The following CTNNA3 variants were observed in gnomAD, a reference collection of about 807,000 sequenced individuals.
The protein encoded by CTNNA3 is catenin alpha 3.
In CTNNA3, 76 loss-of-function variants were observed where a neutral mutation model predicts 95.7. That is an observed-to-expected ratio of 0.79 (90% CI 0.66 to 0.96). The LOEUF (loss-of-function observed/expected upper bound fraction) is 0.96, where lower values mean the gene tolerates loss of function less well. CTNNA3 is among the 40% of genes least tolerant of loss of function. The pLI is 0.00. For missense variants in CTNNA3, 1,191 were observed against 1,089.8 expected (o/e 1.09, Z -1.31); for synonymous variants, 431 against 374.4 (o/e 1.15, Z -1.74).
At chr10:66,387,657 G>A (rs899297303) in intron 11 of CTNNA3, among the ~76,000 whole-genome samples, 3 of 152,104 alleles carry the variant, frequency 2.0e-5, no homozygotes, top group Non-Finnish European at 4.4e-5. Context: ...TATGTTTATT[G>A]CTGCACTATT....
intron 10 of CTNNA3, among the ~76,000 whole-genome samples, chr10:66,552,552 T>C (rs1483048713): frequency 6.6e-6 from 1 of 152,192 alleles, no homozygotes; most frequent in Non-Finnish European, 1.5e-5. Flanking sequence ...TATTCAGTTC[T>C]GATCCATGAG....
At chr10:67,091,933 G>A (rs146629886) in intron 7 of CTNNA3, among the ~76,000 whole-genome samples, 1,716 of 152,094 alleles carry the variant, frequency 0.011, 20 homozygotes, top group African/African-American at 0.037. Context: ...TCATTAACTA[G>A]AAGAAGACTG....
intron 5 of CTNNA3, among the ~76,000 whole-genome samples, chr10:67,242,649 T>C (rs1007964600): frequency 6.6e-6 from 1 of 152,348 alleles, no homozygotes; most frequent in Non-Finnish European, 1.5e-5. Context: ...GCCTTATTAA[T>C]TCAGTCACCA....
intron 1 of CTNNA3, among the ~76,000 whole-genome samples, chr10:67,666,206 A>G (rs1486652728): frequency 6.6e-6 from 1 of 152,166 alleles, no homozygotes; most frequent in Non-Finnish European, 1.5e-5. Flanking sequence ...TGGGGTGAGA[A>G]AAGCAGTTCT....
At chr10:67,289,080 A>G (rs1444561762) in intron 5 of CTNNA3, among the ~76,000 whole-genome samples, 1 of 152,178 alleles carries the variant, frequency 6.6e-6, no homozygotes, top group Non-Finnish European at 1.5e-5. Flanking sequence ...TTCTAATCTC[A>G]GCCTTTATGT....
At chr10:66,693,955 C>T (rs1259764771) in intron 9 of CTNNA3, among the ~76,000 whole-genome samples, 1 of 151,884 alleles carries the variant, frequency 6.6e-6, no homozygotes, top group Non-Finnish European at 1.5e-5. Context: ...GGGACACATT[C>T]AAAGCAGTGT....
intron 9 of CTNNA3, among the ~76,000 whole-genome samples, chr10:66,739,925 T>C (rs1232448400): frequency 1.3e-5 from 2 of 152,156 alleles, no homozygotes; most frequent in African/African-American, 4.8e-5. Context: ...TTTCTGGCTG[T>C]GTGTATTAAA....
chr10:67,141,904 C>A (rs1339102420), intron 7 of CTNNA3, among the ~76,000 whole-genome samples: 1 of 151,716 alleles, frequency 6.6e-6, no homozygotes, highest in Non-Finnish European at 1.5e-5. Context: ...AGGCCCCAAG[C>A]CAATTTACAG....
At chr10:66,477,592 T>C (rs1270422008) in intron 11 of CTNNA3, among the ~76,000 whole-genome samples, 1 of 152,080 alleles carries the variant, frequency 6.6e-6, no homozygotes, top group Admixed American at 6.6e-5. Flanking sequence ...GTAATATGAA[T>C]GCATTCTACA....
intron 10 of CTNNA3, among the ~76,000 whole-genome samples, chr10:66,584,805 A>G (rs566076464): frequency 4.6e-5 from 7 of 151,972 alleles, no homozygotes; most frequent in Admixed American, 2.6e-4. Flanking sequence ...TTTCAGGAGT[A>G]TTTATTCTGG....
chr10:66,350,900 T>TCCAA (rs1359044579), intron 12 of CTNNA3, among the ~76,000 whole-genome samples: 1 of 152,024 alleles, frequency 6.6e-6, no homozygotes, highest in African/African-American at 2.4e-5. Context: ...ATGGGAAAGA[T>TCCAA]CCAAGAGCTT....
At chr10:66,164,323 GTAGA>G (rs565204311) in intron 13 of CTNNA3, among the ~76,000 whole-genome samples, 85 of 152,236 alleles carry the variant, frequency 5.6e-4, no homozygotes, top group African/African-American at 1.8e-3. Flanking sequence ...AGTTATTGTA[GTAGA>G]TATATTCTGC....
At chr10:66,148,234 T>C (rs1039978233) in intron 13 of CTNNA3, among the ~76,000 whole-genome samples, 4 of 152,102 alleles carry the variant, frequency 2.6e-5, no homozygotes, top group African/African-American at 9.7e-5. Flanking sequence ...TTTGTTCTTT[T>C]ACTCTGTTTA....
intron 12 of CTNNA3, among the ~76,000 whole-genome samples, chr10:66,355,858 A>T (rs1287457822): frequency 6.6e-6 from 1 of 151,070 alleles, no homozygotes; most frequent in African/African-American, 2.4e-5. Flanking sequence ...ATCTAATTTG[A>T]GTCATTTTTT....
intron 10 of CTNNA3, among the ~76,000 whole-genome samples, chr10:66,575,633 T>G (rs556062170): frequency 6.6e-6 from 1 of 152,122 alleles, no homozygotes; most frequent in African/African-American, 2.4e-5. Context: ...GAGACAGAGA[T>G]GGCATTCTCA....
chr10:66,240,459 A>G (rs1200783182), intron 13 of CTNNA3, among the ~76,000 whole-genome samples: 3 of 152,102 alleles, frequency 2.0e-5, no homozygotes, highest in Admixed American at 2.0e-4. Flanking sequence ...AATAGTCTTT[A>G]TAATACCTAC....
intron 5 of CTNNA3, among the ~76,000 whole-genome samples, chr10:67,365,761 C>T (rs751745442): frequency 1.3e-5 from 2 of 152,190 alleles, no homozygotes; most frequent in African/African-American, 4.8e-5. Context: ...AATAGGAACG[C>T]TTTTACACTG....
At chr10:67,400,494 G>C (rs903994437) in intron 5 of CTNNA3, among the ~76,000 whole-genome samples, 3 of 152,096 alleles carry the variant, frequency 2.0e-5, no homozygotes, top group African/African-American at 7.2e-5. Flanking sequence ...CCCTACAAAT[G>C]GGCATCCTGA....
chr10:67,157,102 C>A (rs1407021046), intron 7 of CTNNA3, among the ~76,000 whole-genome samples: 1 of 151,934 alleles, frequency 6.6e-6, no homozygotes, highest in Admixed American at 6.6e-5. Flanking sequence ...CTAGTTAGAG[C>A]AATTAGGCAA....
Sources: allele counts gnomAD v4.1 joint callset (sites outside exome capture counted in the v4.1 genomes callset), GRCh38; gene constraint gnomAD v4.1.1; transcripts MANE v1.5; gene names NCBI Gene and HGNC (gene_info 2026-07-23, HGNC 2026-07-21).